LRP1B: variants seen among roughly 807,000 people sequenced by gnomAD.
The protein encoded by LRP1B is low-density lipoprotein receptor-related protein 1B.
LRP1B carries 217 observed loss-of-function variants against 556.6 expected under a neutral mutation model. The observed-to-expected ratio is 0.39, with a 90% CI of 0.35 to 0.44. The LOEUF (loss-of-function observed/expected upper bound fraction) is 0.44. LRP1B is among the 20% of genes least tolerant of loss of function. LRP1B has a pLI of 1.00. For synonymous variants in LRP1B, 2,047 were observed against 1,865.8 expected, an observed-to-expected ratio of 1.10 and a Z score of -2.50; for missense variants, 5,053 against 5,620.8, an observed-to-expected ratio of 0.90 and a Z score of 3.23.
At chr2:142,018,894 TA>T (rs1703239078) in intron 1 of LRP1B, among the ~76,000 whole-genome samples, 1 of 151,704 alleles carries the variant, frequency 6.6e-6, no homozygotes, top group Non-Finnish European at 1.5e-5. Flanking sequence ...TATACATGTA[TA>T]TTAATTGTCT....
intron 41 of LRP1B, among the ~76,000 whole-genome samples, chr2:140,691,488 C>CAAAAAA (rs35775292): frequency 2.2e-5 from 2 of 92,742 alleles, no homozygotes; most frequent in East Asian, 3.3e-4. Flanking sequence ...AACTCCACCT[C>CAAAAAA]AAAAAAAAAA....
At chr2:140,642,269 G>A (rs1684323390) in intron 41 of LRP1B, among the ~76,000 whole-genome samples, 1 of 152,174 alleles carries the variant, frequency 6.6e-6, no homozygotes, top group Non-Finnish European at 1.5e-5. Context: ...AGCCTGTGCC[G>A]AGGAGCTACT....
intron 2 of LRP1B, among the ~76,000 whole-genome samples, chr2:141,639,381 TATATATATACAC>T (rs1689239697): frequency 2.5e-5 from 2 of 78,640 alleles, no homozygotes; most frequent in Admixed American, 1.4e-4. Flanking sequence ...TATATACACA[TATATATATACAC>T]ATATATATAT....
intron 7 of LRP1B, among the ~76,000 whole-genome samples, chr2:141,124,209 T>A (rs1882633): frequency 0.44 from 67,297 of 151,926 alleles, 15,789 homozygotes; most frequent in Middle Eastern, 0.55. Flanking sequence ...AAGTAGGTGA[T>A]CTCACCAAAT....
chr2:140,942,217 A>G (rs1244288427), intron 20 of LRP1B, among the ~76,000 whole-genome samples: 2 of 152,186 alleles, frequency 1.3e-5, no homozygotes, highest in Non-Finnish European at 2.9e-5. Flanking sequence ...CAATTTTTTC[A>G]ATCAACGCAG....
chr2:141,208,079 T>C (rs1425017179), intron 6 of LRP1B: 2 of 152,220 alleles, frequency 1.3e-5, no homozygotes, highest in African/African-American at 4.8e-5. Flanking sequence ...GTTCTGGAAA[T>C]ATATCAGCTA....
chr2:141,515,131 C>T (rs1207016277), intron 2 of LRP1B, among the ~76,000 whole-genome samples: 2 of 151,950 alleles, frequency 1.3e-5, no homozygotes, highest in Admixed American at 6.6e-5. Flanking sequence ...GGAGAAACCC[C>T]GTCTCTACTA....
intron 35 of LRP1B, among the ~76,000 whole-genome samples, chr2:140,729,815 A>G (rs1033386161): frequency 1.3e-5 from 2 of 152,210 alleles, no homozygotes; most frequent in African/African-American, 2.4e-5. Context: ...GCTACTTAGA[A>G]GATAGTACAA....
chr2:141,109,299 A>T (rs903984139), intron 7 of LRP1B, among the ~76,000 whole-genome samples: 1 of 152,172 alleles, frequency 6.6e-6, no homozygotes, highest in Admixed American at 6.5e-5. Context: ...TTGGTCTCTC[A>T]TTAGCTACAC....
intron 3 of LRP1B, among the ~76,000 whole-genome samples, chr2:141,439,811 T>C (rs141431510): frequency 6.6e-6 from 1 of 152,142 alleles, no homozygotes; most frequent in Non-Finnish European, 1.5e-5. Flanking sequence ...TAATTAAAGA[T>C]GTTTTTTTAA....
chr2:141,334,663 T>C (rs2105501979), intron 3 of LRP1B, among the ~76,000 whole-genome samples: 1 of 152,298 alleles, frequency 6.6e-6, no homozygotes, highest in Admixed American at 6.5e-5. Context: ...GTGATTCTCC[T>C]GCTTCAGCCT....
intron 1 of LRP1B, among the ~76,000 whole-genome samples, chr2:141,968,441 G>T (rs764876262): frequency 1.3e-5 from 2 of 150,090 alleles, no homozygotes; most frequent in Admixed American, 6.7e-5. Flanking sequence ...TTTTTTGCTT[G>T]CAATCCCCAA....
intron 2 of LRP1B, among the ~76,000 whole-genome samples, chr2:141,519,360 G>GATATAT (rs60473210): frequency 0.015 from 1,031 of 67,814 alleles, 21 homozygotes; most frequent in East Asian, 0.025. Flanking sequence ...TTAAGTCAAT[G>GATATAT]ATATATATAT....
At chr2:140,359,018 T>C in intron 72 of LRP1B, 72 bp from the exon 73 acceptor site, 1 of 1,425,976 alleles carries the variant, frequency 7.0e-7, no homozygotes, top group Non-Finnish European at 9.5e-7. Context: ...TCTTCCTTTT[T>C]CTTTTATTCT....
intron 21 of LRP1B, among the ~76,000 whole-genome samples, chr2:140,918,764 C>T (rs1301771378): frequency 6.6e-6 from 1 of 152,002 alleles, no homozygotes; most frequent in East Asian, 1.9e-4. Flanking sequence ...GTAGAGTTGG[C>T]ATATCATAAG....
chr2:141,701,763 A>T (rs1056124250), intron 2 of LRP1B, among the ~76,000 whole-genome samples: 1 of 151,826 alleles, frequency 6.6e-6, no homozygotes, highest in African/African-American at 2.4e-5. Flanking sequence ...ATAAACTAAC[A>T]CGGGAAGTTG....
intron 83 of LRP1B, among the ~76,000 whole-genome samples, chr2:140,299,229 T>C (rs898806683): frequency 1.3e-5 from 2 of 152,072 alleles, no homozygotes; most frequent in East Asian, 1.9e-4. Flanking sequence ...TTGAGAAACA[T>C]TCCTCAGTGA....
At chr2:140,244,107 C>T (rs10181846) in intron 87 of LRP1B, among the ~76,000 whole-genome samples, 5,327 of 151,316 alleles carry the variant, frequency 0.035, 319 homozygotes, top group African/African-American at 0.12. Context: ...CCTCTGGGAT[C>T]TAGTGCAGTA....
At chr2:140,429,768 C>T (rs1454865516) in intron 66 of LRP1B, among the ~76,000 whole-genome samples, 2 of 152,136 alleles carry the variant, frequency 1.3e-5, no homozygotes, top group Non-Finnish European at 2.9e-5. Flanking sequence ...TTTAGGCTGC[C>T]CATCATGTCT....
Sources: gnomAD v4.1 joint callset for allele counts (sites outside exome capture counted in the v4.1 genomes callset) on GRCh38, gnomAD v4.1.1 for gene constraint, MANE v1.5 for transcripts, NCBI Gene and HGNC (gene_info 2026-07-23, HGNC 2026-07-21) for gene names.